The following RAP1GAP2 variants were observed in gnomAD, a reference collection of about 807,000 sequenced individuals.
RAP1GAP2 encodes rap1 GTPase-activating protein 2.
RAP1GAP2 carries 27 observed loss-of-function variants against 95.0 expected under a neutral mutation model. The observed-to-expected ratio is 0.28, with a 90% CI of 0.21 to 0.39. RAP1GAP2 has a LOEUF of 0.39. Among genes scored for constraint, RAP1GAP2 ranks in the 10% least tolerant of loss-of-function variants. The pLI, the probability that RAP1GAP2 is intolerant of heterozygous loss-of-function variation, is 1.00. For synonymous variants in RAP1GAP2, 373 were observed against 380.9 expected (o/e 0.98, Z 0.24); for missense variants, 771 against 970.0 (o/e 0.79, Z 2.72).
At chr17:2,975,158 A>G (rs900445524) in intron 8 of RAP1GAP2, among the ~76,000 whole-genome samples, 16 of 152,188 alleles carry the variant, frequency 1.1e-4, no homozygotes, top group African/African-American at 3.4e-4. Context: ...TGGACCTGGG[A>G]GGCAGAGGTT....
intron 1 of RAP1GAP2, among the ~76,000 whole-genome samples, chr17:2,767,177 G>C (rs554644915): frequency 9.9e-4 from 150 of 151,668 alleles, no homozygotes; most frequent in African/African-American, 3.5e-3. Flanking sequence ...GCCTGGCCAA[G>C]GTGGTGAAAC....
chr17:2,972,461 G>A (rs990664167), intron 8 of RAP1GAP2, among the ~76,000 whole-genome samples: 1 of 152,096 alleles, frequency 6.6e-6, no homozygotes, highest in African/African-American at 2.4e-5. Flanking sequence ...AAATGAGCCT[G>A]GCCAACATGG....
chr17:2,925,440 G>GA (rs2042923170), intron 3 of RAP1GAP2, among the ~76,000 whole-genome samples: 2 of 152,152 alleles, frequency 1.3e-5, no homozygotes, highest in Non-Finnish European at 2.9e-5. Context: ...AAAGAGAAGA[G>GA]CGAAGGAGGA....
At chr17:3,007,003 C>T (rs1291360629) in intron 16 of RAP1GAP2, among the ~76,000 whole-genome samples, 1 of 152,122 alleles carries the variant, frequency 6.6e-6, no homozygotes, top group East Asian at 1.9e-4. Context: ...GGCTCATGCA[C>T]AGCTGAATCT....
rs751194228 is a variant in RAP1GAP2 at position 3,008,121 on chromosome 17, C to T, written c.1470C>T (p.His490=). The change falls in exon 17 of 25, where the codon CAC becomes CAT. Residue 490 remains histidine (H), a synonymous_variant. Transcript: ENST00000254695. The surrounding 1 kb of genome is among the most constrained non-coding windows in gnomAD (Gnocchi z 4.2). Reference sequence around the variant, plus strand: ...AGGACAAGTTTGAGAATGGAGGCCACGGGGGGTTCCTGGAGTCTTTTAAGG... The same window carrying T: ...AGGACAAGTTTGAGAATGGAGGCCATGGGGGGTTCCTGGAGTCTTTTAAGG... ...PEEDKFENGG[H]GGFLESFKRA... is the part of the protein sequence containing the mutation. 9.9e-6 allele frequency: 16 copies of T among 1,613,834 alleles called. No homozygotes were observed. The highest frequency in any genetic ancestry group is 6.7e-5 in the African/African-American group (5 of 74,916).
intron 3 of RAP1GAP2, among the ~76,000 whole-genome samples, chr17:2,920,662 C>T (rs996005869): frequency 1.3e-5 from 2 of 152,216 alleles, no homozygotes; most frequent in African/African-American, 2.4e-5. Context: ...AGCAGGCGGA[C>T]GAGGGCTTCG....
intron 2 of RAP1GAP2, among the ~76,000 whole-genome samples, chr17:2,879,050 G>A (rs1186896067): frequency 6.6e-6 from 1 of 152,004 alleles, no homozygotes; most frequent in East Asian, 1.9e-4. Flanking sequence ...GATGGACACT[G>A]GCCTTGCCTC....
At chr17:2,845,519 C>T (rs1186335631) in intron 2 of RAP1GAP2, among the ~76,000 whole-genome samples, 1 of 152,250 alleles carries the variant, frequency 6.6e-6, no homozygotes, top group African/African-American at 2.4e-5. Context: ...AAATCTCCCA[C>T]ATCCAGAGGC....
chr17:2,952,581 G>A (rs1204675988), intron 3 of RAP1GAP2, among the ~76,000 whole-genome samples: 1 of 152,152 alleles, frequency 6.6e-6, no homozygotes, highest in Non-Finnish European at 1.5e-5. Flanking sequence ...CCTGCAGCCC[G>A]GGGCCTGCAG....
At chr17:2,895,386 C>T (rs2041784341) in intron 2 of RAP1GAP2, among the ~76,000 whole-genome samples, 1 of 152,230 alleles carries the variant, frequency 6.6e-6, no homozygotes, top group African/African-American at 2.4e-5. Context: ...AGCCTGCGCC[C>T]AAGCCTCACT....
intron 3 of RAP1GAP2, among the ~76,000 whole-genome samples, chr17:2,932,329 C>T (rs2043181290): frequency 6.6e-6 from 1 of 151,826 alleles, no homozygotes; most frequent in Admixed American, 6.6e-5. Context: ...GACGGGGCAC[C>T]TCATGGTCTC....
intron 2 of RAP1GAP2, among the ~76,000 whole-genome samples, chr17:2,840,809 C>G (rs1205954517): frequency 6.6e-6 from 1 of 151,902 alleles, no homozygotes; most frequent in Non-Finnish European, 1.5e-5. Context: ...ACCAGCCTGG[C>G]CAATATGGTG....
chr17:2,954,883 T>G (rs1315461526), intron 3 of RAP1GAP2, among the ~76,000 whole-genome samples: 1 of 152,204 alleles, frequency 6.6e-6, no homozygotes, highest in Non-Finnish European at 1.5e-5. Flanking sequence ...TGAGCCACCG[T>G]ACCCGGCCCT....
At chr17:3,016,739 C>T (rs1003587613) in intron 17 of RAP1GAP2, among the ~76,000 whole-genome samples, 1 of 150,440 alleles carries the variant, frequency 6.6e-6, no homozygotes, top group Non-Finnish European at 1.5e-5. Context: ...GCTGTCTCCT[C>T]AGAGCCCTGT....
chr17:2,813,075 C>CT (rs576292173), intron 2 of RAP1GAP2, among the ~76,000 whole-genome samples: 6,317 of 142,292 alleles, frequency 0.044, 268 homozygotes, highest in East Asian at 0.24. Flanking sequence ...AGCATCAGTA[C>CT]TTTTTTTTTT....
chr17:2,931,572 A>T (rs2043157652), intron 3 of RAP1GAP2, among the ~76,000 whole-genome samples: 1 of 152,136 alleles, frequency 6.6e-6, no homozygotes, highest in Non-Finnish European at 1.5e-5. Context: ...GTGTTATTTA[A>T]CATACAGCTT....
intron 2 of RAP1GAP2, among the ~76,000 whole-genome samples, chr17:2,824,093 A>C (rs1317541702): frequency 6.9e-6 from 1 of 144,628 alleles, no homozygotes; most frequent in Admixed American, 7.1e-5. Flanking sequence ...ACTGCACTCC[A>C]GCCTGGGTGA....
chr17:2,913,668 A>C (rs1361887093), intron 3 of RAP1GAP2, among the ~76,000 whole-genome samples: 2 of 152,196 alleles, frequency 1.3e-5, no homozygotes, highest in African/African-American at 4.8e-5. Flanking sequence ...AAAAATTTGC[A>C]GACACAGAAA....
intron 1 of RAP1GAP2, among the ~76,000 whole-genome samples, chr17:2,765,054 A>T (rs2068248097): frequency 6.6e-6 from 1 of 152,090 alleles, no homozygotes; most frequent in Non-Finnish European, 1.5e-5. Context: ...TCAGAATAGG[A>T]TGGGCTCCTG....
Sources: gnomAD v4.1 joint callset for allele counts (sites outside exome capture counted in the v4.1 genomes callset) on GRCh38, gnomAD v4.1.1 for gene constraint, Gnocchi (gnomAD v3.1) non-coding constraint, MANE v1.5 for transcripts, NCBI Gene and HGNC (gene_info 2026-07-23, HGNC 2026-07-21) for gene names.